The following SPINK4 variants were observed in gnomAD, a reference collection of about 807,000 sequenced individuals.
SPINK4 encodes the protein serine protease inhibitor Kazal-type 4.
Under a neutral mutation model 12.3 loss-of-function variants are expected in SPINK4, and 10 were observed. The ratio of observed to expected loss-of-function variants is 0.81; its 90% confidence interval spans 0.50 to 1.37. SPINK4 has a LOEUF of 1.37. Among genes scored for constraint, SPINK4 ranks in the 40% most tolerant of loss-of-function variants. The probability of loss-of-function intolerance (pLI) is 0.00; values close to 1 mark genes in which losing one functional copy is unlikely to be tolerated. For synonymous variants in SPINK4, 37 were observed against 40.2 expected, an observed-to-expected ratio of 0.92 and a Z score of 0.30; for missense variants, 91 against 109.0, an observed-to-expected ratio of 0.84 and a Z score of 0.73.
In SPINK4 at chr9:33,248,482, G is replaced by A; in HGVS notation, c.*11G>A. The A allele has an allele frequency of 6.2e-7, 1 of 1,613,926 alleles. No individual in the cohort carries two copies. Among genetic ancestry groups the A allele is most frequent in the African/African-American group, 1.3e-5 (1 of 75,056 alleles). ...GATGGCAAATGCTGATCCCACAGGA[G>A]CACCTCAAGCCATGAAGTGTCAGCT... On this transcript the variant is annotated 3_prime_UTR_variant, in exon 4 of 4. Transcript: ENST00000379721.
At position 33,245,595 on chromosome 9, in the gene SPINK4, G is replaced by A. The variant is rs963972084; in HGVS notation, c.102+443G>A. Among the ~76,000 whole-genome samples the A allele has an allele frequency of 6.6e-5, 10 of 152,280 alleles. No individual in the cohort carries two copies. In the East Asian group the frequency reaches 1.7e-3, roughly 26 times the overall value. ...ATTGTCTAAACACCAAGTTGTCCCC[G>A]AATCCTGATTCCACCTTGGCCCTTG... is the stretch of plus-strand genomic sequence containing the variant. On this transcript the variant is annotated intron_variant, in intron 2 of 3. Transcript: ENST00000379721.
intron 1 of SPINK4, among the ~76,000 whole-genome samples, chr9:33,242,967 C>T (rs1820251946): frequency 2.6e-5 from 4 of 151,898 alleles, no homozygotes; most frequent in Admixed American, 2.6e-4. Flanking sequence ...CTTCAACCTC[C>T]TGGATTCAAA....
chr9:33,247,249 C>G (rs1044578031), intron 3 of SPINK4, among the ~76,000 whole-genome samples: 2 of 151,388 alleles, frequency 1.3e-5, no homozygotes, highest in African/African-American at 2.4e-5. Context: ...ACCTCCGCCT[C>G]CTGGGTTCAA....
chr9:33,247,457 C>T (rs1164249563), intron 3 of SPINK4, among the ~76,000 whole-genome samples: 4 of 151,984 alleles, frequency 2.6e-5, no homozygotes, highest in African/African-American at 4.8e-5. Flanking sequence ...CATGAGCCAC[C>T]GTGCCCGGCC....
In SPINK4 at chr9:33,240,238, G is replaced by T. The variant is rs759431359; in HGVS notation, c.30G>T (p.Leu10=). 6.2e-7 allele frequency: 1 copy of T among 1,605,920 alleles called. No homozygotes were observed. The highest frequency in any genetic ancestry group is 8.5e-7 in the Non-Finnish European group (1 of 1,176,332). Residue 10 remains leucine, a synonymous_variant, in exon 1 of 4, where the codon CTG becomes CTT. Transcript: ENST00000379721. MAVRQWVIA[L]ALAALLVVDR... The stretch of plus-strand genomic sequence containing the variant: ...CCGTCCGCCAGTGGGTAATCGCCCT[G>T]GCCTTGGCTGCCCTCCTTGTTGTGG...
Position 33,246,631 on chromosome 9 carries a change from A to G in SPINK4, c.118A>G (p.Met40Val). Reference protein sequence around the residue: ...PFSRMPICEHMVESPTCSQMS... With the variant: ...PFSRMPICEHVVESPTCSQMS... Reference sequence around the variant, plus strand: ...TCTTCCACAGCCCATCTGTGAACACATGGTAGAGTCTCCAACCTGTTCCCA... The same window carrying G: ...TCTTCCACAGCCCATCTGTGAACACGTGGTAGAGTCTCCAACCTGTTCCCA... The change falls in exon 3 of 4, where the codon ATG (methionine) becomes GTG (valine). Residue 40 changes from methionine to valine, a missense_variant. Coordinates refer to ENST00000379721, the MANE Select transcript of SPINK4 (RefSeq NM_014471.3). The G allele has an allele frequency of 6.2e-7, 1 of 1,613,734 alleles. No homozygotes were observed. The highest frequency in any genetic ancestry group is 1.7e-5 in the Admixed American group (1 of 59,992).
chr9:33,242,415 G>A (rs1327075005), intron 1 of SPINK4, among the ~76,000 whole-genome samples: 1 of 149,772 alleles, frequency 6.7e-6, no homozygotes, highest in African/African-American at 2.5e-5. Context: ...GGCGGGAGGA[G>A]AACGGAGACG....
intron 1 of SPINK4, among the ~76,000 whole-genome samples, chr9:33,244,710 A>G (rs1400605776): frequency 3.3e-5 from 5 of 152,242 alleles, no homozygotes; most frequent in African/African-American, 1.2e-4. Flanking sequence ...GGCAGAACAC[A>G]GCATCCACTA....
At chr9:33,240,981 A>G (rs528117101) in intron 1 of SPINK4, among the ~76,000 whole-genome samples, 1 of 152,382 alleles carries the variant, frequency 6.6e-6, no homozygotes, top group Non-Finnish European at 1.5e-5. Context: ...AGAAGCTGAT[A>G]AAAGTTAAGG....
In SPINK4 at chr9:33,248,477, C is replaced by A; in HGVS notation, c.*6C>A. 1 of 1,614,028 alleles carries A rather than the reference C, an allele frequency of 6.2e-7. No individual in the cohort carries two copies. The highest frequency in any genetic ancestry group is 8.5e-7 in the Non-Finnish European group (1 of 1,180,022). On this transcript the variant is annotated 3_prime_UTR_variant, in exon 4 of 4. Transcript: ENST00000379721. ...TGAAAGATGGCAAATGCTGATCCCA[C>A]AGGAGCACCTCAAGCCATGAAGTGT...
chr9:33,246,654 C>CT lies in SPINK4; in HGVS notation c.141_142insT (p.Gln48SerfsTer10). ...ACATGGTAGAGTCTCCAACCTGTTC[C>CT]CAGATGTCCAACCTGGTCTGCGGCA... On this transcript the variant is annotated frameshift_variant, in exon 3 of 4. Coordinates refer to ENST00000379721, the MANE Select transcript of SPINK4 (RefSeq NM_014471.3). LOFTEE classifies it high-confidence loss of function. The CT allele has an allele frequency of 6.2e-7, 1 of 1,614,094 alleles. No individual in the cohort carries two copies. The highest frequency in any genetic ancestry group is 1.1e-5 in the South Asian group (1 of 91,080).
At chr9:33,244,472 C>T (rs1016042194) in intron 1 of SPINK4, among the ~76,000 whole-genome samples, 2 of 152,222 alleles carry the variant, frequency 1.3e-5, no homozygotes, top group African/African-American at 4.8e-5. Flanking sequence ...TGCAGCACAA[C>T]AGAGGCTTCA....
chr9:33,244,799 G>A (rs777080896), intron 1 of SPINK4, among the ~76,000 whole-genome samples: 3 of 152,082 alleles, frequency 2.0e-5, no homozygotes, highest in Non-Finnish European at 2.9e-5. Context: ...CTCAATGCCC[G>A]GCACATAATA....
intron 1 of SPINK4, among the ~76,000 whole-genome samples, chr9:33,242,511 G>A (rs1820247348): frequency 6.6e-6 from 1 of 152,152 alleles, no homozygotes; most frequent in African/African-American, 2.4e-5. Context: ...CTGGGGCATG[G>A]AGAGGTGTAC....
intron 1 of SPINK4, among the ~76,000 whole-genome samples, chr9:33,244,298 T>C (rs62546681): frequency 0.079 from 11,970 of 152,290 alleles, 525 homozygotes; most frequent in African/African-American, 0.11. Flanking sequence ...GGGAAAATCC[T>C]ACCTCTGCCT....
chr9:33,241,892 T>C (rs1364046742), intron 1 of SPINK4, among the ~76,000 whole-genome samples: 1 of 152,128 alleles, frequency 6.6e-6, no homozygotes, highest in Non-Finnish European at 1.5e-5. Context: ...CAAAAATTTT[T>C]TTTTCAAGAC....
intron 3 of SPINK4, chr9:33,247,810 G>A (rs1379387197): frequency 6.5e-6 from 1 of 152,742 alleles, no homozygotes. Flanking sequence ...GTCCTCGGAA[G>A]CTGCAAAGCT....
In SPINK4 at chr9:33,248,411, C is replaced by T. The variant is rs768453612; in HGVS notation, c.216-15C>T. On this transcript the variant is annotated splice_polypyrimidine_tract_variant and intron_variant, in intron 3 of 3. Coordinates refer to ENST00000379721, the MANE Select transcript of SPINK4 (RefSeq NM_014471.3). ...CCTGAGAAGGTAGCCTCATGCCTGT[C>T]TTCTTTGATCCTAGAAAAACCAAAC... 1.7e-5 allele frequency: 27 copies of T among 1,613,884 alleles called. 1 individual carries two copies. The South Asian group carries it at 2.9e-4, about 17-fold the overall frequency.
chr9:33,244,831 AATT>A (rs1319644820), intron 1 of SPINK4, among the ~76,000 whole-genome samples: 1 of 152,186 alleles, frequency 6.6e-6, no homozygotes, highest in Non-Finnish European at 1.5e-5. Context: ...GCTATTTTAT[AATT>A]ATTATATGGG....
Sources: allele counts gnomAD v4.1 joint callset (sites outside exome capture counted in the v4.1 genomes callset), GRCh38; gene constraint gnomAD v4.1.1; transcripts MANE v1.5; gene names NCBI Gene and HGNC (gene_info 2026-07-23, HGNC 2026-07-21).